DLGAP2: variants seen among roughly 807,000 people sequenced by gnomAD.
DLGAP2 encodes the protein disks large-associated protein 2.
In DLGAP2, 26 loss-of-function variants were observed where a neutral mutation model predicts 100.3. That is an observed-to-expected ratio of 0.26 (90% CI 0.19 to 0.36). DLGAP2 has a LOEUF of 0.36. DLGAP2 is among the 10% of genes least tolerant of loss of function. The pLI is 1.00. For missense variants in DLGAP2, 1,858 were observed against 1,453.2 expected (o/e 1.28, Z -4.53); for synonymous variants, 886 against 630.1 (o/e 1.41, Z -6.08).
chr8:1,217,300 A>G (rs911479778), intron 2 of DLGAP2, among the ~76,000 whole-genome samples: 1 of 152,002 alleles, frequency 6.6e-6, no homozygotes, highest in African/African-American at 2.4e-5. Context: ...TTGTTTTTTT[A>G]TGGCTGCACA....
chr8:1,451,464 G>C (rs1012317296), intron 3 of DLGAP2, among the ~76,000 whole-genome samples: 1 of 151,898 alleles, frequency 6.6e-6, no homozygotes, highest in Non-Finnish European at 1.5e-5. Flanking sequence ...GGGCGCTGGT[G>C]CCAGGGTCCC....
At chr8:1,618,281 A>T (rs1203159683) in intron 6 of DLGAP2, among the ~76,000 whole-genome samples, 1 of 152,234 alleles carries the variant, frequency 6.6e-6, no homozygotes, top group Non-Finnish European at 1.5e-5. Flanking sequence ...GACATGAATG[A>T]AATAGGTAGA....
intron 2 of DLGAP2, among the ~76,000 whole-genome samples, chr8:1,221,359 C>T (rs1207151080): frequency 6.6e-6 from 1 of 152,140 alleles, no homozygotes; most frequent in Non-Finnish European, 1.5e-5. Flanking sequence ...ACTTATGAAG[C>T]ATAGTTTGGC....
At chr8:1,157,443 T>C (rs1013208185) in intron 2 of DLGAP2, among the ~76,000 whole-genome samples, 2 of 152,170 alleles carry the variant, frequency 1.3e-5, no homozygotes, top group East Asian at 1.9e-4. Context: ...AATTTTGCAA[T>C]GTTTTTCATT....
Position 1,691,540 on chromosome 8 carries a change from G to T in DLGAP2, c.2710G>T (p.Gly904Cys), listed in dbSNP as rs1343341793. Residue 904 changes from glycine to cysteine, a missense_variant, in exon 13 of 15, where the codon GGT becomes TGT. Transcript: ENST00000637795. ...TTTGTTTTTGTTTTAAACAGTTCTC[G>T]GTAAAATCAGGAGTGCTGTTGGGAG... ...EENDLSEEILGKIRSAVGSAQ... is the reference protein window; with the variant it reads ...EENDLSEEILCKIRSAVGSAQ... The T allele has an allele frequency of 6.2e-7, 1 of 1,613,222 alleles. No individual in the cohort carries two copies. The highest frequency in any genetic ancestry group is 2.2e-5 in the East Asian group (1 of 44,868).
intron 4 of DLGAP2, among the ~76,000 whole-genome samples, chr8:1,502,900 C>G (rs1429357781): frequency 2.0e-5 from 3 of 152,168 alleles, no homozygotes; most frequent in Non-Finnish European, 4.4e-5. Flanking sequence ...TGGGGTGGTT[C>G]TGCTTGGGCT....
intron 1 of DLGAP2, among the ~76,000 whole-genome samples, chr8:816,249 T>C (rs964172943): frequency 6.7e-6 from 1 of 149,842 alleles, no homozygotes; most frequent in Non-Finnish European, 1.5e-5. Context: ...CCATTCATCA[T>C]GCTATTTGTT....
chr8:1,322,776 C>G (rs969926548), intron 3 of DLGAP2, among the ~76,000 whole-genome samples: 1 of 152,240 alleles, frequency 6.6e-6, no homozygotes, highest in Non-Finnish European at 1.5e-5. Context: ...GGCTCCTCCC[C>G]CCTGCATCAG....
chr8:1,675,360 C>T (rs1021900049), intron 10 of DLGAP2, among the ~76,000 whole-genome samples: 1 of 152,236 alleles, frequency 6.6e-6, no homozygotes. Context: ...TCCGCCAGCT[C>T]TCTCCTGGGG....
chr8:776,186 T>G (rs371162168), intron 1 of DLGAP2, among the ~76,000 whole-genome samples: 6 of 151,038 alleles, frequency 4.0e-5, no homozygotes, highest in Non-Finnish European at 7.4e-5. Context: ...TCTGTGGGAT[T>G]GGTGGTGATA....
At chr8:1,376,608 C>A (rs376609142) in intron 3 of DLGAP2, among the ~76,000 whole-genome samples, 3 of 152,186 alleles carry the variant, frequency 2.0e-5, no homozygotes, top group African/African-American at 4.8e-5. Context: ...AGTGGGGAGC[C>A]GGGTGACAGG....
intron 8 of DLGAP2, among the ~76,000 whole-genome samples, chr8:1,666,423 A>C (rs1369995571): frequency 6.6e-6 from 1 of 152,278 alleles, no homozygotes; most frequent in South Asian, 2.1e-4. Context: ...CTGTAATCCC[A>C]GTACTTTGGG....
intron 6 of DLGAP2, among the ~76,000 whole-genome samples, chr8:1,585,604 C>T (rs1563238272): frequency 1.3e-5 from 2 of 152,158 alleles, no homozygotes; most frequent in Non-Finnish European, 2.9e-5. Flanking sequence ...CCAACTGTGC[C>T]ATTGCAGGTG....
chr8:1,689,143 C>T (rs1435931370), intron 12 of DLGAP2, among the ~76,000 whole-genome samples: 1 of 152,162 alleles, frequency 6.6e-6, no homozygotes, highest in African/African-American at 2.4e-5. Flanking sequence ...GGTTCACTTC[C>T]CTGGACCTCG....
rs1799870168 is a variant in DLGAP2 at position 966,325 on chromosome 8, AAAAC to A, written c.73+58360_73+58363del. 2.6e-5 allele frequency among the ~76,000 whole-genome samples: 4 copies of A among 152,328 alleles called. No homozygotes were observed. In the South Asian group the frequency reaches 6.2e-4, roughly 24 times the overall value. On this transcript the variant is annotated intron_variant, in intron 2 of 14. Transcript: ENST00000637795. Reference sequence around the variant, plus strand: ...ACTTTGAACACTTGATCAGAAAGAGAAAACGGATGACATGTTTCTGATAAATCAT... The same window carrying A: ...ACTTTGAACACTTGATCAGAAAGAGAGGATGACATGTTTCTGATAAATCAT...
chr8:1,207,105 A>C (rs965508457), intron 2 of DLGAP2, among the ~76,000 whole-genome samples: 2 of 152,058 alleles, frequency 1.3e-5, no homozygotes, highest in Non-Finnish European at 2.9e-5. Flanking sequence ...TTTTTATTTC[A>C]ATAGATTTTT....
At chr8:841,496 G>A (rs994551459) in intron 1 of DLGAP2, among the ~76,000 whole-genome samples, 3 of 152,164 alleles carry the variant, frequency 2.0e-5, no homozygotes, top group South Asian at 2.1e-4. Flanking sequence ...TCAAGAACAC[G>A]ACCCGGTTAC....
At chr8:1,424,928 G>T (rs57334501) in intron 3 of DLGAP2, among the ~76,000 whole-genome samples, 1 of 152,194 alleles carries the variant, frequency 6.6e-6, no homozygotes, top group African/African-American at 2.4e-5. Context: ...TGGGAAGATC[G>T]AGAAGTTCTG....
chr8:1,192,516 C>T (rs1023491009), intron 2 of DLGAP2, among the ~76,000 whole-genome samples: 1 of 152,032 alleles, frequency 6.6e-6, no homozygotes, highest in East Asian at 1.9e-4. Flanking sequence ...GCTCCTCCGT[C>T]TGTCTGAAAT....
Sources: allele counts gnomAD v4.1 joint callset (sites outside exome capture counted in the v4.1 genomes callset), GRCh38; gene constraint gnomAD v4.1.1; transcripts MANE v1.5; gene names NCBI Gene and HGNC (gene_info 2026-07-23, HGNC 2026-07-21).